Variants in PPARGC1A observed in about 807,000 individuals in gnomAD.
PPARGC1A encodes the protein peroxisome proliferator-activated receptor gamma coactivator 1-alpha.
Under a neutral mutation model 88.7 loss-of-function variants are expected in PPARGC1A, and 25 were observed. The observed-to-expected ratio is 0.28, with a 90% CI of 0.21 to 0.39. The LOEUF (loss-of-function observed/expected upper bound fraction) is 0.39. PPARGC1A is among the 10% of genes least tolerant of loss of function. The pLI is 1.00. For missense variants in PPARGC1A, 880 were observed against 968.7 expected (o/e 0.91, Z 1.22); for synonymous variants, 363 against 355.6 (o/e 1.02, Z -0.24).
upstream of PPARGC1A, among the ~76,000 whole-genome samples, chr4:23,893,119 T>C (rs1390372525): frequency 6.6e-6 from 1 of 152,074 alleles, no homozygotes; most frequent in Non-Finnish European, 1.5e-5. Context: ...TCTGTTAACA[T>C]TTTCCAGGGT....
At chr4:24,172,004 A>T in the PPARGC1A span, among the ~76,000 whole-genome samples, 1 of 152,178 alleles carries the variant, frequency 6.6e-6, no homozygotes, top group Non-Finnish European at 1.5e-5. Context: ...AGTGTTCAGG[A>T]TCTAGCCAGG....
chr4:23,802,014 C>G (rs1273295749), intron 11 of PPARGC1A, 133 bp from the exon 12 acceptor site: 2 of 1,304,190 alleles, frequency 1.5e-6, no homozygotes, highest in Admixed American at 2.3e-5. Context: ...TGTGATTGTC[C>G]TGTCAAGCAG....
intron 2 of PPARGC1A, among the ~76,000 whole-genome samples, chr4:23,852,606 T>C (rs1042239202): frequency 6.6e-6 from 1 of 152,198 alleles, no homozygotes; most frequent in African/African-American, 2.4e-5. Flanking sequence ...TTTTGGTATC[T>C]TCACTATAAA....
At chr4:24,009,435 T>G in the PPARGC1A span, among the ~76,000 whole-genome samples, 157 of 152,248 alleles carry the variant, frequency 1.0e-3, 1 homozygote, top group African/African-American at 3.8e-3. Flanking sequence ...GTGAGTGACA[T>G]TAAAATAATA....
At chr4:24,255,888 T>C in the PPARGC1A span, among the ~76,000 whole-genome samples, 2 of 152,168 alleles carry the variant, frequency 1.3e-5, no homozygotes, top group Non-Finnish European at 2.9e-5. Context: ...ACCTATCCCA[T>C]AGGGTTGTTG....
At chr4:24,083,056 G>A in the PPARGC1A span, among the ~76,000 whole-genome samples, 1 of 152,290 alleles carries the variant, frequency 6.6e-6, no homozygotes, top group South Asian at 2.1e-4. Context: ...TTCTAGAACA[G>A]GCAGATGAGG....
At chr4:24,060,366 A>AT in the PPARGC1A span, among the ~76,000 whole-genome samples, 1 of 152,260 alleles carries the variant, frequency 6.6e-6, no homozygotes, top group Admixed American at 6.5e-5. Flanking sequence ...GCTTACTGCA[A>AT]TAATACCCAT....
chr4:24,070,158 A>G, the PPARGC1A span, among the ~76,000 whole-genome samples: 2,028 of 152,294 alleles, frequency 0.013, 33 homozygotes, highest in African/African-American at 0.046. Flanking sequence ...GAATTATACT[A>G]AATGCAAATG....
the PPARGC1A span, among the ~76,000 whole-genome samples, chr4:24,324,309 C>T: frequency 2.0e-5 from 3 of 152,242 alleles, no homozygotes; most frequent in Non-Finnish European, 4.4e-5. Flanking sequence ...AGTCCCGCTT[C>T]CCTAGGGGGC....
the PPARGC1A span, among the ~76,000 whole-genome samples, chr4:24,219,421 T>C: frequency 6.6e-6 from 1 of 152,158 alleles, no homozygotes; most frequent in Admixed American, 6.5e-5. Context: ...ATCTCCTCCG[T>C]CATACTGGGC....
chr4:24,438,893 T>G, the PPARGC1A span, among the ~76,000 whole-genome samples: 2 of 151,986 alleles, frequency 1.3e-5, 1 homozygote, highest in South Asian at 4.2e-4. Context: ...AAAAATAAAG[T>G]GGAGCACATA....
At chr4:23,797,257 T>C (rs1269913061) in intron 12 of PPARGC1A, among the ~76,000 whole-genome samples, 1 of 152,174 alleles carries the variant, frequency 6.6e-6, no homozygotes, top group Non-Finnish European at 1.5e-5. Context: ...TAAATTACAC[T>C]GGCTTCAACG....
chr4:23,974,557 A>G, the PPARGC1A span, among the ~76,000 whole-genome samples: 1 of 152,120 alleles, frequency 6.6e-6, no homozygotes, highest in African/African-American at 2.4e-5. Context: ...AGAGCTTTGA[A>G]AAGGTTAGGA....
At chr4:24,402,618 A>G in the PPARGC1A span, among the ~76,000 whole-genome samples, 1 of 152,198 alleles carries the variant, frequency 6.6e-6, no homozygotes, top group Non-Finnish European at 1.5e-5. Flanking sequence ...TTGTCCTAAG[A>G]CAGTACACAC....
At chr4:24,135,340 C>A in the PPARGC1A span, among the ~76,000 whole-genome samples, 1 of 152,092 alleles carries the variant, frequency 6.6e-6, no homozygotes, top group Non-Finnish European at 1.5e-5. Context: ...CACACCAAAT[C>A]CTCATCTCCA....
At chr4:24,374,171 G>T in the PPARGC1A span, among the ~76,000 whole-genome samples, 8 of 152,188 alleles carry the variant, frequency 5.3e-5, no homozygotes, top group African/African-American at 1.9e-4. Flanking sequence ...CCCTGGGAGG[G>T]ACAGATTTTT....
chr4:24,472,623 C>T, the PPARGC1A span, among the ~76,000 whole-genome samples: 3 of 152,180 alleles, frequency 2.0e-5, no homozygotes, highest in Non-Finnish European at 2.9e-5. This position sits in a 1 kb window ranked among gnomAD's most constrained non-coding sequence, Gnocchi z 4.5. Context: ...CGGAAACTCT[C>T]GGCGGTGCTC....
At chr4:23,822,558 C>A (rs368665799) in intron 7 of PPARGC1A, among the ~76,000 whole-genome samples, 8 of 152,056 alleles carry the variant, frequency 5.3e-5, no homozygotes, top group African/African-American at 1.9e-4. Flanking sequence ...AACTCTTTTT[C>A]TCCCTTTGTG....
chr4:24,164,188 G>A, the PPARGC1A span, among the ~76,000 whole-genome samples: 1 of 152,172 alleles, frequency 6.6e-6, no homozygotes, highest in South Asian at 2.1e-4. Flanking sequence ...CAGGTGTTAT[G>A]AGTGAGCTGA....
Sources: allele counts gnomAD v4.1 joint callset (sites outside exome capture counted in the v4.1 genomes callset), GRCh38; gene constraint gnomAD v4.1.1; non-coding constraint Gnocchi (gnomAD v3.1); transcripts MANE v1.5; gene names NCBI Gene and HGNC (gene_info 2026-07-23, HGNC 2026-07-21).